Variants in NEDD4L observed in about 807,000 individuals in gnomAD.
NEDD4L encodes E3 ubiquitin-protein ligase NEDD4-like.
NEDD4L carries 54 observed loss-of-function variants against 148.9 expected under a neutral mutation model. That is an observed-to-expected ratio of 0.36 (90% confidence interval 0.29 to 0.45). NEDD4L has a LOEUF of 0.45. NEDD4L is among the 20% of genes least tolerant of loss of function. The probability of loss-of-function intolerance (pLI) is 1.00; values close to 1 mark genes in which losing one functional copy is unlikely to be tolerated. For missense variants in NEDD4L, 856 were observed against 1,233.8 expected, an observed-to-expected ratio of 0.69 and a Z score of 4.59; for synonymous variants, 433 against 440.7, an observed-to-expected ratio of 0.98 and a Z score of 0.22.
chr18:58,352,919 A>G (rs569286585), intron 18 of NEDD4L, among the ~76,000 whole-genome samples: 2 of 152,342 alleles, frequency 1.3e-5, no homozygotes, highest in East Asian at 3.9e-4. Context: ...ACACAATTAC[A>G]AAGGGCTGTC....
intron 2 of NEDD4L, among the ~76,000 whole-genome samples, chr18:58,219,040 A>G (rs542203684): frequency 6.6e-6 from 1 of 152,188 alleles, no homozygotes; most frequent in Non-Finnish European, 1.5e-5. Flanking sequence ...AATTGAACTA[A>G]GACTTCCAGC....
chr18:58,383,518 A>G (rs1302180477), intron 25 of NEDD4L, among the ~76,000 whole-genome samples, 199 bp downstream of exon 25: 1 of 152,194 alleles, frequency 6.6e-6, no homozygotes, highest in Non-Finnish European at 1.5e-5. Flanking sequence ...TCATGACTCC[A>G]TTGAGCTGCC....
intron 5 of NEDD4L, among the ~76,000 whole-genome samples, chr18:58,286,168 C>G (rs2053876819): frequency 6.6e-6 from 1 of 152,100 alleles, no homozygotes; most frequent in Non-Finnish European, 1.5e-5. Flanking sequence ...TGAACATAGC[C>G]AACTATGAAT....
At chr18:58,174,729 T>G (rs2037922289) in intron 2 of NEDD4L, among the ~76,000 whole-genome samples, 1 of 152,160 alleles carries the variant, frequency 6.6e-6, no homozygotes, top group Admixed American at 6.5e-5. Context: ...TGATTGAAAT[T>G]GATCCCTGGG....
intron 24 of NEDD4L, among the ~76,000 whole-genome samples, chr18:58,382,496 T>C (rs552963096): frequency 2.2e-4 from 33 of 152,322 alleles, no homozygotes; most frequent in African/African-American, 7.9e-4. Flanking sequence ...TTTTTCCACC[T>C]TTTTTCCCCA....
At chr18:58,249,486 G>A (rs976717609) in intron 4 of NEDD4L, among the ~76,000 whole-genome samples, 49 of 152,174 alleles carry the variant, frequency 3.2e-4, no homozygotes, top group African/African-American at 1.0e-3. Context: ...GCTATATGTC[G>A]AAATGACTGA....
chr18:58,291,642 C>A (rs1018047148), intron 5 of NEDD4L, among the ~76,000 whole-genome samples: 2 of 152,122 alleles, frequency 1.3e-5, no homozygotes, highest in Non-Finnish European at 2.9e-5. Flanking sequence ...GGAAAGACAG[C>A]CCTAATTTTT....
chr18:58,245,846 ATTTTTTT>A (rs58940181), intron 3 of NEDD4L, among the ~76,000 whole-genome samples: 35 of 91,522 alleles, frequency 3.8e-4, no homozygotes, highest in Non-Finnish European at 5.2e-4. Flanking sequence ...ATGCCTGGCT[ATTTTTTT>A]TTTTTTTTTT....
At chr18:58,160,734 G>C (rs748637870) in intron 1 of NEDD4L, among the ~76,000 whole-genome samples, 8 of 152,172 alleles carry the variant, frequency 5.3e-5, no homozygotes, top group Non-Finnish European at 7.4e-5. Flanking sequence ...GAATGACGAT[G>C]GTTGCTTATC....
intron 1 of NEDD4L, among the ~76,000 whole-genome samples, chr18:58,092,425 C>T (rs903574910): frequency 6.6e-6 from 1 of 152,102 alleles, no homozygotes; most frequent in Non-Finnish European, 1.5e-5. Context: ...GGTTCTCGGG[C>T]ACAGTATGCC....
chr18:58,393,023 C>T (rs1319309497), intron 30 of NEDD4L, among the ~76,000 whole-genome samples: 1 of 152,160 alleles, frequency 6.6e-6, no homozygotes, highest in African/African-American at 2.4e-5. Flanking sequence ...CTCAGAGCTA[C>T]CAGAATTAGA....
Position 58,390,793 on chromosome 18 carries a change from G to A in NEDD4L, c.2752+51G>A. Reference sequence around the variant, plus strand: ...TTGTCCTCCTGGGAATTTCCAGCCAGGCATGAACTCTGGCCCAAGAACCCT... The same window carrying A: ...TTGTCCTCCTGGGAATTTCCAGCCAAGCATGAACTCTGGCCCAAGAACCCT... On this transcript the variant is annotated intron_variant, in intron 29 of 30. Coordinates refer to ENST00000400345, the MANE Select transcript of NEDD4L (RefSeq NM_001144967.3). 2.2e-6 allele frequency: 3 copies of A among 1,366,024 alleles called. No homozygotes were observed. In the South Asian group the frequency reaches 3.7e-5, roughly 17 times the overall value. 84.6% of individuals were successfully genotyped at this position (1,366,024 alleles called of 1,614,324 possible).
intron 2 of NEDD4L, chr18:58,195,604 C>G: frequency 7.4e-7 from 1 of 1,344,340 alleles, no homozygotes; most frequent in Non-Finnish European, 9.8e-7. Context: ...GTTACCTGGC[C>G]GGGAGCTGGC....
At chr18:58,149,243 C>G in intron 1 of NEDD4L, 1 of 373,530 alleles carries the variant, frequency 2.7e-6, no homozygotes, top group Non-Finnish European at 4.5e-6. Context: ...GAAGAGGTAA[C>G]TTGGCAGTCC....
At chr18:58,390,450 A>C in intron 28 of NEDD4L, 196 bp from the exon 29 acceptor site, 1 of 486,330 alleles carries the variant, frequency 2.1e-6, no homozygotes. Context: ...AGAGACGGAC[A>C]TTGTGATCAC....
intron 5 of NEDD4L, among the ~76,000 whole-genome samples, chr18:58,315,125 C>T (rs1332726473): frequency 6.6e-6 from 1 of 152,084 alleles, no homozygotes; most frequent in Non-Finnish European, 1.5e-5. Flanking sequence ...GTGGAACCAG[C>T]TGCATCTTTT....
intron 2 of NEDD4L, among the ~76,000 whole-genome samples, chr18:58,195,924 G>A (rs1239959349): frequency 2.0e-5 from 3 of 152,062 alleles, no homozygotes; most frequent in Non-Finnish European, 4.4e-5. Flanking sequence ...ATCAAAAGGC[G>A]GCACAGTGAA....
intron 2 of NEDD4L, among the ~76,000 whole-genome samples, chr18:58,232,699 G>C (rs958069136): frequency 6.6e-6 from 1 of 152,074 alleles, no homozygotes; most frequent in African/African-American, 2.4e-5. Context: ...TTTTATCCTC[G>C]CTTAAAAAAT....
At chr18:58,387,758 C>A (rs755724516) in intron 27 of NEDD4L, 3 of 342,078 alleles carry the variant, frequency 8.8e-6, no homozygotes, top group Non-Finnish European at 1.6e-5. Flanking sequence ...GAGGGCAGTT[C>A]TGGAACATGC....
Sources: allele counts gnomAD v4.1 joint callset (sites outside exome capture counted in the v4.1 genomes callset), GRCh38; gene constraint gnomAD v4.1.1; transcripts MANE v1.5; gene names NCBI Gene and HGNC (gene_info 2026-07-23, HGNC 2026-07-21).